STK33: variants seen among roughly 807,000 people sequenced by gnomAD.
The protein encoded by STK33 is serine/threonine kinase 33.
STK33 carries 52 observed loss-of-function variants against 58.0 expected under a neutral mutation model. The ratio of observed to expected loss-of-function variants is 0.90; its 90% CI spans 0.72 to 1.13. The LOEUF (loss-of-function observed/expected upper bound fraction) is 1.13. STK33 is among the 50% of genes most tolerant of loss of function. The pLI, the probability that STK33 is intolerant of heterozygous loss-of-function variation, is 0.00. For missense variants in STK33, 630 were observed against 604.2 expected, an observed-to-expected ratio of 1.04 and a Z score of -0.45; for synonymous variants, 215 against 200.1, an observed-to-expected ratio of 1.07 and a Z score of -0.63.
At chr11:8,394,371 G>A (rs573237128) in intron 15 of STK33, among the ~76,000 whole-genome samples, 2 of 152,286 alleles carry the variant, frequency 1.3e-5, no homozygotes, top group Non-Finnish European at 2.9e-5. Context: ...ATTAAAAGGT[G>A]AATCTAAGTG....
In STK33 at chr11:8,473,151, C is replaced by T. The variant is rs771644814; in HGVS notation, c.339+12G>A. ...TGAAAGTTCACAGTAGCTTCATTTG[C>T]TTTCTATATACCTCAATAGCAGCTC... is the stretch of plus-strand genomic sequence containing the variant. On this transcript the variant is annotated intron_variant, in intron 6 of 15. Transcript: ENST00000687296. The T allele has an allele frequency of 5.1e-6, 8 of 1,554,894 alleles. No homozygotes were observed. Among genetic ancestry groups the T allele is most frequent in the Middle Eastern group, 1.7e-4 (1 of 5,902 alleles).
intron 15 of STK33, among the ~76,000 whole-genome samples, chr11:8,393,451 G>T (rs924459376): frequency 6.6e-6 from 1 of 152,200 alleles, no homozygotes; most frequent in South Asian, 2.1e-4. Context: ...GAGGGAAGCA[G>T]GGTCTGTTTT....
intron 6 of STK33, among the ~76,000 whole-genome samples, chr11:8,471,398 A>G (rs1263746128): frequency 6.6e-6 from 1 of 152,200 alleles, no homozygotes; most frequent in East Asian, 1.9e-4. Context: ...ATGTTATTAA[A>G]ATGATAATGT....
intron 1 of STK33, among the ~76,000 whole-genome samples, chr11:8,585,222 A>ATTTTT (rs34448251): frequency 2.4e-4 from 21 of 89,314 alleles, no homozygotes; most frequent in African/African-American, 6.8e-4. Flanking sequence ...TGCACCCAGC[A>ATTTTT]TTTTTTTTTT....
chr11:8,414,276 C>A (rs543858799), intron 14 of STK33, among the ~76,000 whole-genome samples: 2 of 152,236 alleles, frequency 1.3e-5, no homozygotes, highest in Admixed American at 1.3e-4. Flanking sequence ...TATGACTATA[C>A]CATGCCAAAA....
chr11:8,522,667 T>TTA (rs1343834375), intron 1 of STK33, among the ~76,000 whole-genome samples: 1 of 152,034 alleles, frequency 6.6e-6, no homozygotes, highest in Non-Finnish European at 1.5e-5. Flanking sequence ...AAAAGCAAGA[T>TTA]TACATCAAAC....
At chr11:8,479,842 C>CA (rs11453661) in intron 2 of STK33, among the ~76,000 whole-genome samples, 3,343 of 151,120 alleles carry the variant, frequency 0.022, 105 homozygotes, top group African/African-American at 0.077. Context: ...GACTCTGTCT[C>CA]AAAAAAAATA....
the STK33 span, among the ~76,000 whole-genome samples, chr11:8,374,352 C>T: frequency 1.3e-5 from 2 of 152,146 alleles, no homozygotes; most frequent in Admixed American, 6.5e-5. Flanking sequence ...TTCATCTGCT[C>T]GAGCTACCAT....
chr11:8,425,724 G>C (rs762189477), intron 14 of STK33, among the ~76,000 whole-genome samples: 7 of 152,096 alleles, frequency 4.6e-5, no homozygotes, highest in African/African-American at 7.2e-5. Flanking sequence ...CCTTTAAACA[G>C]GTATTTTAAA....
chr11:8,565,772 G>A (rs1179190391), intron 1 of STK33: 1 of 152,146 alleles, frequency 6.6e-6, no homozygotes, highest in Non-Finnish European at 1.5e-5. Flanking sequence ...GATGCACCTT[G>A]CTTACCTAGA....
chr11:8,349,179 T>C, the STK33 span, among the ~76,000 whole-genome samples: 2 of 152,240 alleles, frequency 1.3e-5, no homozygotes, highest in Admixed American at 1.3e-4. Context: ...CAAGACTCCA[T>C]TGCTTCACCT....
chr11:8,338,854 G>A, the STK33 span, among the ~76,000 whole-genome samples: 8 of 152,200 alleles, frequency 5.3e-5, no homozygotes, highest in Non-Finnish European at 7.4e-5. Context: ...GACAATCTCT[G>A]ATTTTTGTCC....
chr11:8,575,383 A>C (rs1187183206), intron 1 of STK33, among the ~76,000 whole-genome samples: 1 of 152,220 alleles, frequency 6.6e-6, no homozygotes, highest in Non-Finnish European at 1.5e-5. Flanking sequence ...ACAGATAAAC[A>C]AACTGTGGTA....
chr11:8,399,069 G>C (rs1849900287), intron 15 of STK33, among the ~76,000 whole-genome samples: 1 of 152,072 alleles, frequency 6.6e-6, no homozygotes, highest in Admixed American at 6.6e-5. Context: ...GAGACAGAAA[G>C]TTAAAAAGGA....
intron 14 of STK33, among the ~76,000 whole-genome samples, chr11:8,429,373 A>G (rs1943143859): frequency 6.6e-6 from 1 of 152,188 alleles, no homozygotes; most frequent in Non-Finnish European, 1.5e-5. Flanking sequence ...TTCCAAAAAC[A>G]CTTCATTCTT....
intron 11 of STK33, among the ~76,000 whole-genome samples, chr11:8,444,312 T>C (rs1050477721): frequency 2.0e-5 from 3 of 152,162 alleles, no homozygotes; most frequent in South Asian, 4.1e-4. Flanking sequence ...AAAAAAACTA[T>C]TGTCTTCTAA....
At chr11:8,437,768 T>C (rs1040311176) in intron 12 of STK33, among the ~76,000 whole-genome samples, 1 of 152,206 alleles carries the variant, frequency 6.6e-6, no homozygotes, top group African/African-American at 2.4e-5. Flanking sequence ...GTTGCTTTCA[T>C]CCTAGTGGTT....
At chr11:8,351,005 C>G in the STK33 span, among the ~76,000 whole-genome samples, 24 of 152,178 alleles carry the variant, frequency 1.6e-4, no homozygotes, top group East Asian at 4.6e-3. Flanking sequence ...GGAGGAAACC[C>G]CAGGTGTTCC....
Position 8,462,472 on chromosome 11 carries a change from C to CACACAT in STK33, c.454-564_454-563insATGTGT, listed in dbSNP as rs541126483. 3.7e-3 allele frequency among the ~76,000 whole-genome samples: 525 copies of CACACAT among 141,876 alleles called. 2 individuals are homozygous for CACACAT. The highest frequency in any genetic ancestry group is 6.5e-3 in the South Asian group (29 of 4,434). The allele number at this position is 141,876 out of a possible 152,430, so 93.1% of individuals were successfully genotyped here. Reference sequence around the variant, plus strand: ...ACACACACACACACACACACACACACATATATATATATATGTATGTATGAA... The same window carrying CACACAT: ...ACACACACACACACACACACACACACACACATATATATATATATATGTATGTATGAA... On this transcript the variant is annotated intron_variant, in intron 7 of 15. Coordinates refer to ENST00000687296, the MANE Select transcript of STK33 (RefSeq NM_001352389.2).
Sources: allele counts gnomAD v4.1 joint callset (sites outside exome capture counted in the v4.1 genomes callset), GRCh38; gene constraint gnomAD v4.1.1; transcripts MANE v1.5; gene names NCBI Gene and HGNC (gene_info 2026-07-23, HGNC 2026-07-21).